Variants in FAHD2A observed in about 807,000 individuals in gnomAD.
FAHD2A encodes the protein oxaloacetate tautomerase FAHD2A, mitochondrial.
A neutral mutation model predicts 33.4 loss-of-function variants in FAHD2A; 27 were observed. The ratio of observed to expected loss-of-function variants is 0.81; its 90% CI spans 0.60 to 1.11. The LOEUF is 1.11. Ranked by LOEUF, FAHD2A falls within the 50% of genes most tolerant of loss-of-function variation. FAHD2A has a pLI of 0.00. For synonymous variants in FAHD2A, 130 were observed against 153.3 expected (o/e 0.85, Z 1.12); for missense variants, 296 against 395.0 (o/e 0.75, Z 2.12).
At position 95,405,744 on chromosome 2, in the gene FAHD2A, C is replaced by T. The variant is rs1261385486; in HGVS notation, c.186C>T (p.Leu62=). 1.2e-6 allele frequency: 2 copies of T among 1,613,862 alleles called. No homozygotes were observed. Among genetic ancestry groups the T allele is most frequent in the East Asian group, 2.2e-5 (1 of 44,854 alleles). ...VINLNAFDPT[L]PKTMTQFLEQ... is the part of the protein sequence containing the mutation. ...ACCTCAATGCCTTTGACCCCACACT[C>T]CCGAAGACGATGACGCAGTTCCTAG... is the stretch of plus-strand genomic sequence containing the variant. Residue 62 remains leucine, a synonymous_variant, in exon 2 of 8, where the codon CTC becomes CTT. Transcript: ENST00000233379.
rs1353958907 is a variant in FAHD2A at position 95,412,426 on chromosome 2, C to T, written c.686-8C>T. ...GGATAACTCCAAGGTACCATCTTTG[C>T]ATTTCAGATCCACACAACTTAAAGA... is the stretch of plus-strand genomic sequence containing the variant. On this transcript the variant is annotated splice_region_variant and splice_polypyrimidine_tract_variant and intron_variant, in intron 5 of 7. Transcript: ENST00000233379. 6.2e-7 allele frequency: 1 copy of T among 1,613,696 alleles called. No individual in the cohort carries two copies. The highest frequency in any genetic ancestry group is 1.1e-5 in the South Asian group (1 of 91,056).
Position 95,413,553 on chromosome 2 carries a change from C to T in FAHD2A, c.*596C>T, listed in dbSNP as rs562219683. The T allele has an allele frequency of 8.4e-5, 133 of 1,584,254 alleles. No homozygotes were observed. Among genetic ancestry groups the T allele is most frequent in the African/African-American group, 3.2e-4 (24 of 74,154 alleles). ...GGAGCCTGGGGCCTGCAGGGCTCGG[C>T]GTCTGCTGCAGAACCTGGGCCATGG... is the stretch of plus-strand genomic sequence containing the variant. On this transcript the variant is annotated 3_prime_UTR_variant, in exon 8 of 8. Coordinates refer to ENST00000233379, the MANE Select transcript of FAHD2A (RefSeq NM_016044.3).
At position 95,413,617 on chromosome 2, in the gene FAHD2A, C is replaced by G; in HGVS notation, c.*660C>G. 1 of 1,481,770 alleles carries G rather than the reference C, an allele frequency of 6.7e-7. No homozygotes were observed. The highest frequency in any genetic ancestry group is 9.0e-7 in the Non-Finnish European group (1 of 1,116,060). The allele number at this position is 1,481,770 out of a possible 1,614,324, so 91.8% of individuals were successfully genotyped here. A position where few individuals can be genotyped will look rare whatever the true frequency, so the allele number is the denominator to read the frequency against. ...AGTGCACTCACCACAGGGACTGTGT[C>G]CACATGGCCCAGGGGCCAGGCCTGT... On this transcript the variant is annotated 3_prime_UTR_variant, in exon 8 of 8. Transcript: ENST00000233379.
downstream of FAHD2A, among the ~76,000 whole-genome samples, chr2:95,417,714 G>A (rs1415865540): frequency 1.3e-5 from 2 of 152,026 alleles, no homozygotes; most frequent in African/African-American, 4.8e-5. Context: ...CTGGCTTGGA[G>A]GTGGCCATCT....
At chr2:95,409,797 G>T (rs1464586731) in intron 3 of FAHD2A, among the ~76,000 whole-genome samples, 1 of 152,214 alleles carries the variant, frequency 6.6e-6, no homozygotes, top group East Asian at 1.9e-4. Context: ...GGGCCTTCAA[G>T]TTGGCTCCAT....
chr2:95,410,872 T>A lies in FAHD2A; in HGVS notation c.531T>A (p.Asp177Glu), dbSNP rs1682373550. ...ATCCCCTGCCCCCATAGGCCACAGA[T>A]GCTATGGCCCACGTGGCCGGCTTCA... ...GKKGKHIKAT[D>E]AMAHVAGFTV... Residue 177 changes from aspartate to glutamate, a missense_variant, in exon 5 of 8, where the codon GAT becomes GAA. Transcript: ENST00000233379. 1 of 1,613,866 alleles carries A rather than the reference T, an allele frequency of 6.2e-7. No individual in the cohort carries two copies.
rs1683003337 is a variant in FAHD2A, at chr2:95,414,905, T to C, written c.*1948T>C. On this transcript the variant is annotated 3_prime_UTR_variant, in exon 8 of 8. Coordinates refer to ENST00000233379, the MANE Select transcript of FAHD2A (RefSeq NM_016044.3). ...GATAAGCAGCCAGGGAAAGGCTTTC[T>C]TAAAAAAAAACAAAAAACAAAACCA... The C allele has an allele frequency of 6.6e-6, 1 of 152,248 alleles. No homozygotes were observed. The highest frequency in any genetic ancestry group is 1.5e-5 in the Non-Finnish European group (1 of 68,272). The allele number at this position is 152,248 out of a possible 1,614,324, so 9.4% of individuals were successfully genotyped here.
chr2:95,407,362 C>T (rs569866202), intron 3 of FAHD2A: 3 of 683,230 alleles, frequency 4.4e-6, no homozygotes, highest in Non-Finnish European at 7.4e-6. Context: ...AATGCACCTT[C>T]ACTGTAGATA....
chr2:95,419,803 T>A (rs1354589877), downstream of FAHD2A, among the ~76,000 whole-genome samples: 2 of 151,218 alleles, frequency 1.3e-5, no homozygotes, highest in African/African-American at 4.9e-5. Flanking sequence ...TATCTATACA[T>A]GGAGAGAGAG....
At chr2:95,417,036 C>T (rs1683220668), downstream of FAHD2A, among the ~76,000 whole-genome samples, 1 of 152,218 alleles carries the variant, frequency 6.6e-6, no homozygotes, top group Admixed American at 6.5e-5. Context: ...ACACTGCAGG[C>T]AAGGGGCACA....
downstream of FAHD2A, among the ~76,000 whole-genome samples, chr2:95,420,656 A>G (rs533339792): frequency 6.6e-6 from 1 of 151,976 alleles, no homozygotes; most frequent in South Asian, 2.1e-4. Flanking sequence ...AGATAAAAAA[A>G]GAAAAACAGG....
chr2:95,409,342 G>T (rs1682112166), intron 3 of FAHD2A, among the ~76,000 whole-genome samples: 1 of 151,448 alleles, frequency 6.6e-6, no homozygotes, highest in Non-Finnish European at 1.5e-5. Context: ...TTGAGACAGA[G>T]TCTCACTCTA....
At position 95,412,781 on chromosome 2, in the gene FAHD2A, C is replaced by A. The variant is rs780178485; in HGVS notation, c.882+17C>A. ...TTTCTCAAGGTAGGTTAGCGAAAAG[C>A]AAAGAGCAAGGGCCCCAAAGGCCTG... On this transcript the variant is annotated intron_variant, in intron 7 of 7. Transcript: ENST00000233379. 6.2e-7 allele frequency: 1 copy of A among 1,614,058 alleles called. No homozygotes were observed. Among genetic ancestry groups the A allele is most frequent in the Non-Finnish European group, 8.5e-7 (1 of 1,180,016 alleles).
intron 1 of FAHD2A, among the ~76,000 whole-genome samples, chr2:95,403,421 C>T (rs1681038145): frequency 6.6e-6 from 1 of 152,192 alleles, no homozygotes. Context: ...TAACCAGCCT[C>T]GTCCCTGAGG....
chr2:95,407,358 C>T, intron 3 of FAHD2A: 1 of 701,406 alleles, frequency 1.4e-6, no homozygotes, highest in East Asian at 2.7e-5. Flanking sequence ...AAGCAATGCA[C>T]CTTCACTGTA....
intron 5 of FAHD2A, among the ~76,000 whole-genome samples, chr2:95,411,489 G>A (rs994687239): frequency 1.3e-5 from 2 of 152,268 alleles, no homozygotes; most frequent in Admixed American, 6.5e-5. Context: ...GCCCCAGAGG[G>A]CAGAGCGCAG....
chr2:95,420,294 C>G (rs529470981), downstream of FAHD2A, among the ~76,000 whole-genome samples: 1 of 152,208 alleles, frequency 6.6e-6, no homozygotes, highest in African/African-American at 2.4e-5. Flanking sequence ...AGACATACAG[C>G]AGGTCACTCA....
intron 5 of FAHD2A, among the ~76,000 whole-genome samples, chr2:95,411,248 GC>G: frequency 6.6e-6 from 1 of 152,356 alleles, no homozygotes; most frequent in African/African-American, 2.4e-5. Flanking sequence ...ATGTGAAACT[GC>G]ATGCGTGAAG....
chr2:95,405,980 G>C (rs539425185), intron 2 of FAHD2A, among the ~76,000 whole-genome samples, 177 bp downstream of exon 2: 53 of 151,916 alleles, frequency 3.5e-4, no homozygotes, highest in African/African-American at 1.2e-3. Flanking sequence ...AACATCTTCA[G>C]TTTTCAGAGG....
Sources: gnomAD v4.1 joint callset for allele counts (sites outside exome capture counted in the v4.1 genomes callset) on GRCh38, gnomAD v4.1.1 for gene constraint, MANE v1.5 for transcripts, NCBI Gene and HGNC (gene_info 2026-07-23, HGNC 2026-07-21) for gene names.